The following SENP3 variants were observed in gnomAD, a reference collection of about 807,000 sequenced individuals.
SENP3 encodes the protein SUMO specific peptidase 3.
Under a neutral mutation model 66.2 loss-of-function variants are expected in SENP3, and 11 were observed. The observed-to-expected ratio is 0.17, with a 90% CI of 0.10 to 0.28. The LOEUF (loss-of-function observed/expected upper bound fraction) is 0.28, where lower values mean the gene tolerates loss of function less well. Ranked by LOEUF, SENP3 falls within the 10% of genes least tolerant of loss-of-function variation. The pLI, the probability that SENP3 is intolerant of heterozygous loss-of-function variation, is 1.00. For synonymous variants in SENP3, 292 were observed against 277.6 expected (o/e 1.05, Z -0.52); for missense variants, 548 against 743.7 (o/e 0.74, Z 3.06).
At chr17:7,566,112 C>T (rs1489840975) in intron 6 of SENP3, 9 of 193,914 alleles carry the variant, frequency 4.6e-5, no homozygotes, top group African/African-American at 1.4e-4. Flanking sequence ...GAGACCAGGG[C>T]GGGTGGATCA....
chr17:7,566,970 A>G lies in SENP3; in HGVS notation c.1307A>G (p.Lys436Arg), dbSNP rs76586164. The change falls in exon 7 of 11, where the codon AAG (lysine) becomes AGG (arginine). Residue 436 changes from lysine (K) to arginine (R), a missense_variant. Lys to Arg is a conservative substitution (Grantham distance 26). Transcript: ENST00000321337. ...TTCTTCTATGATAAACTCCGTACCA[A>G]GGGTTATGATGGGGTGAAAAGGTGG... ...NSFFYDKLRT[K>R]GYDGVKRWTK... The G allele has an allele frequency of 6.4e-7, 1 of 1,570,068 alleles. No homozygotes were observed.
intron 7 of SENP3, among the ~76,000 whole-genome samples, chr17:7,568,416 C>T (rs1269219039): frequency 1.4e-4 from 21 of 152,114 alleles, no homozygotes; most frequent in Non-Finnish European, 2.6e-4. Context: ...GCCGACCTGG[C>T]GAAACCCTGT....
In SENP3 at chr17:7,562,790, T is replaced by C. The variant is rs1428951598; in HGVS notation, c.-11-276T>C. Among the ~76,000 whole-genome samples, 1 of 152,186 alleles carries C rather than the reference T, an allele frequency of 6.6e-6. No homozygotes were observed. The highest frequency in any genetic ancestry group is 1.5e-5 in the Non-Finnish European group (1 of 68,030). On this transcript the variant is annotated intron_variant, in intron 1 of 10. Coordinates refer to ENST00000321337, the MANE Select transcript of SENP3 (RefSeq NM_015670.6). The surrounding 1 kb of genome is among the most constrained non-coding windows in gnomAD (Gnocchi z 5.0). ...ATAAAGACGTAGAACCTGGCAGTGC[T>C]ATTGGGTTTGGCCTGGTGATCTTAG...
At position 7,571,434 on chromosome 17, in the gene SENP3, T is replaced by TCCA; in HGVS notation, c.1676_1677insCCA (p.Leu559_Arg560insHis). 1 of 1,608,248 alleles carries TCCA rather than the reference T, an allele frequency of 6.2e-7. No individual in the cohort carries two copies. Among genetic ancestry groups the TCCA allele is most frequent in the Admixed American group, 1.7e-5 (1 of 59,156 alleles). On this transcript the variant is annotated inframe_insertion, in exon 11 of 11. Coordinates refer to ENST00000321337, the MANE Select transcript of SENP3 (RefSeq NM_015670.6). ...TTCACCCAGCAGGACATGCCCAAAC[T>TCCA]TCGTCGGCAGATCTACAAGGAGCTG...
chr17:7,563,753 T>C lies in SENP3; in HGVS notation c.677T>C (p.Leu226Pro). ...PSGPPMEEDG[L>P]RWTPKSPLDP... is the part of the protein sequence containing the mutation. Reference sequence around the variant, plus strand: ...GGGCCCCCCATGGAGGAAGATGGACTCAGGTGGACTCCAAAGTCTCCTCTG... The same window carrying C: ...GGGCCCCCCATGGAGGAAGATGGACCCAGGTGGACTCCAAAGTCTCCTCTG... Residue 226 changes from leucine to proline, a missense_variant, in exon 2 of 11, where the codon CTC becomes CCC. Physicochemically the swap from Leu to Pro is moderately conservative, Grantham distance 98. This residue lies in a region of SENP3 where 215 missense variants were observed against 230.7 expected (regional missense o/e 0.93). Transcript: ENST00000321337. 2 of 1,609,228 alleles carry C rather than the reference T, an allele frequency of 1.2e-6. No individual in the cohort carries two copies. The highest frequency in any genetic ancestry group is 1.7e-6 in the Non-Finnish European group (2 of 1,178,264).
At chr17:7,569,634 C>T (rs1471457739) in intron 7 of SENP3, among the ~76,000 whole-genome samples, 1 of 152,166 alleles carries the variant, frequency 6.6e-6, no homozygotes, top group Non-Finnish European at 1.5e-5. Context: ...TCCTCAAAAT[C>T]AAGAGCTTAC....
At chr17:7,566,801 C>G in intron 6 of SENP3, 126 bp from the exon 7 acceptor site, 1 of 724,552 alleles carries the variant, frequency 1.4e-6, no homozygotes, top group South Asian at 1.6e-5. Context: ...GAGACCCTGT[C>G]TCTACCAAAA....
At position 7,570,290 on chromosome 17, in the gene SENP3, A is replaced by G; in HGVS notation, c.1342-66A>G. On this transcript the variant is annotated intron_variant, in intron 7 of 10. Transcript: ENST00000321337. This position sits in a 1 kb window ranked among gnomAD's most constrained non-coding sequence, Gnocchi z 5.4. Reference sequence around the variant, plus strand: ...CTTACCTGTGTCTCTGTTCCTCTCTAGAACCTTCATGGCAAAAGGCAAGAC... The same window carrying G: ...CTTACCTGTGTCTCTGTTCCTCTCTGGAACCTTCATGGCAAAAGGCAAGAC... 6.3e-7 allele frequency: 1 copy of G among 1,576,498 alleles called. No homozygotes were observed. Among genetic ancestry groups the G allele is most frequent in the Non-Finnish European group, 8.7e-7 (1 of 1,153,802 alleles).
Position 7,563,297 on chromosome 17 carries a change from C to T in SENP3, c.221C>T (p.Ala74Val), listed in dbSNP as rs773921251. The change falls in exon 2 of 11, where the codon GCA becomes GTA. Residue 74 changes from alanine (A) to valine (V), a missense_variant. Around this residue, in one of 6 missense-constraint regions of SENP3, gnomAD observed 164 missense variants for 167.9 expected, o/e 0.98. Coordinates refer to ENST00000321337, the MANE Select transcript of SENP3 (RefSeq NM_015670.6). The part of the protein sequence containing the change: ...PVPRPSFDAS[A>V]SEEEEEEEEE... ...CCCCGACCCTCTTTTGATGCCTCAG[C>T]AAGTGAAGAGGAGGAAGAAGAGGAG... 3.2e-6 allele frequency: 5 copies of T among 1,553,188 alleles called. No individual in the cohort carries two copies. The highest frequency in any genetic ancestry group is 2.4e-5 in the South Asian group (2 of 84,198).
rs749555993 is a variant in SENP3, at chr17:7,565,777, A to C, written c.1263+13A>C. The C allele has an allele frequency of 1.9e-6, 3 of 1,613,338 alleles. No homozygotes were observed. The highest frequency in any genetic ancestry group is 2.5e-6 in the Non-Finnish European group (3 of 1,179,402). ...AGTCCCTGAAAAGGTAGGCCCAACC[A>C]GATAGGTCAGTACCCAGAGGAACTT... is the stretch of plus-strand genomic sequence containing the variant. On this transcript the variant is annotated intron_variant, in intron 6 of 10. Coordinates refer to ENST00000321337, the MANE Select transcript of SENP3 (RefSeq NM_015670.6).
At position 7,563,766 on chromosome 17, in the gene SENP3, A is replaced by G; in HGVS notation, c.690A>G (p.Pro230=). The G allele has an allele frequency of 1.2e-6, 2 of 1,612,020 alleles. No individual in the cohort carries two copies. Among genetic ancestry groups the G allele is most frequent in the Non-Finnish European group, 1.7e-6 (2 of 1,179,550 alleles). Residue 230 remains proline, a synonymous_variant, in exon 2 of 11, where the codon CCA becomes CCG. Coordinates refer to ENST00000321337, the MANE Select transcript of SENP3 (RefSeq NM_015670.6). ...PMEEDGLRWT[P]KSPLDPDSGL... Reference sequence around the variant, plus strand: ...AGGAAGATGGACTCAGGTGGACTCCAAAGTCTCCTCTGGACCCTGACTCGG... The same window carrying G: ...AGGAAGATGGACTCAGGTGGACTCCGAAGTCTCCTCTGGACCCTGACTCGG...
Position 7,571,480 on chromosome 17 carries a change from G to GT in SENP3, c.1723dup (p.Ter575LeufsTer11), listed in dbSNP as rs1389819806. 2 of 1,611,876 alleles carry GT rather than the reference G, an allele frequency of 1.2e-6. No homozygotes were observed. The highest frequency in any genetic ancestry group is 3.3e-5 in the Admixed American group (2 of 59,968). On this transcript the variant is annotated frameshift_variant, in exon 11 of 11. Transcript: ENST00000321337. LOFTEE classifies it high-confidence loss of function. ...AGCTGTGTCACTGCAAACTCACTGT[G>GT]TGAGCCTCGTACCCCAGACCCCAAG... is the stretch of plus-strand genomic sequence containing the variant.
intron 7 of SENP3, among the ~76,000 whole-genome samples, chr17:7,569,544 T>C (rs1743745114): frequency 1.3e-5 from 2 of 152,102 alleles, no homozygotes. Flanking sequence ...TCTCTTCTGG[T>C]TTCCCTGCCC....
At chr17:7,571,227 A>G (rs2071311216) in intron 10 of SENP3, 146 bp from the exon 11 acceptor site, 7 of 636,208 alleles carry the variant, frequency 1.1e-5, no homozygotes, top group Non-Finnish European at 1.9e-5. Flanking sequence ...CTAGCTTTAG[A>G]GTCAGGCTGT....
Position 7,563,524 on chromosome 17 carries a change from C to G in SENP3, c.448C>G (p.Leu150Val). The G allele has an allele frequency of 6.5e-7, 1 of 1,550,340 alleles. No homozygotes were observed. Among genetic ancestry groups the G allele is most frequent in the Non-Finnish European group, 8.7e-7 (1 of 1,146,942 alleles). ...CACCTCGCTGACATTCCACTGGAAGCTTTGGGGGCGCCACCGGGGCCGGCG... is the reference window on the plus strand; with the variant it reads ...CACCTCGCTGACATTCCACTGGAAGGTTTGGGGGCGCCACCGGGGCCGGCG... ...KSTSLTFHWK[L>V]WGRHRGRRRG... The change falls in exon 2 of 11, where the codon CTT (leucine) becomes GTT (valine). Residue 150 changes from leucine (L) to valine (V), a missense_variant. Coordinates refer to ENST00000321337, the MANE Select transcript of SENP3 (RefSeq NM_015670.6).
At chr17:7,569,479 G>A (rs753603311) in intron 7 of SENP3, among the ~76,000 whole-genome samples, 3 of 152,018 alleles carry the variant, frequency 2.0e-5, no homozygotes, top group Non-Finnish European at 4.4e-5. Flanking sequence ...TTTGGCCTAT[G>A]TAACGGGAAA....
Position 7,569,605 on chromosome 17 carries a change from C to T in SENP3, c.1342-751C>T, listed in dbSNP as rs536133868. Among the ~76,000 whole-genome samples, 184 of 152,220 alleles carry T rather than the reference C, an allele frequency of 1.2e-3. 1 individual carries two copies. The highest frequency in any genetic ancestry group is 4.7e-4 in the Non-Finnish European group (32 of 68,022). On this transcript the variant is annotated intron_variant, in intron 7 of 10. Transcript: ENST00000321337. ...TACAGCTAGGCAGGATGATTGGCTC[C>T]GGCATTCCTTAATTTCAGTCCTCAA...
Position 7,570,657 on chromosome 17 carries a change from C to T in SENP3, c.1480-24C>T, listed in dbSNP as rs1182875496. ...TTCAATTGAGAAACTTAGGGCATCA[C>T]TTTCTTTTCCCCCATCCACATAGCA... On this transcript the variant is annotated intron_variant, in intron 8 of 10. Coordinates refer to ENST00000321337, the MANE Select transcript of SENP3 (RefSeq NM_015670.6). The surrounding 1 kb of genome is among the most constrained non-coding windows in gnomAD (Gnocchi z 5.4). 6.2e-7 allele frequency: 1 copy of T among 1,607,158 alleles called. No homozygotes were observed. The highest frequency in any genetic ancestry group is 1.1e-5 in the South Asian group (1 of 90,080).
intron 6 of SENP3, chr17:7,566,035 A>G (rs2071264823): frequency 3.0e-6 from 1 of 335,182 alleles, no homozygotes; most frequent in African/African-American, 2.1e-5. Flanking sequence ...ACAAGATTTA[A>G]AAAAAAAAAG....
Sources: allele counts gnomAD v4.1 joint callset (sites outside exome capture counted in the v4.1 genomes callset), GRCh38; gene constraint gnomAD v4.1.1; regional missense constraint gnomAD v4.1.1; non-coding constraint Gnocchi (gnomAD v3.1); transcripts MANE v1.5; gene names NCBI Gene and HGNC (gene_info 2026-07-23, HGNC 2026-07-21).